ADAM15: variants seen among roughly 807,000 people sequenced by gnomAD.
ADAM15 encodes the protein disintegrin and metalloproteinase domain-containing protein 15.
ADAM15 carries 77 observed loss-of-function variants against 113.8 expected under a neutral mutation model. That is an observed-to-expected ratio of 0.68 (90% CI 0.56 to 0.82). The LOEUF is 0.82. ADAM15 is among the 40% of genes least tolerant of loss of function. The probability of loss-of-function intolerance (pLI) is 0.00; values close to 1 mark genes in which losing one functional copy is unlikely to be tolerated. For missense variants in ADAM15, 963 were observed against 1,120.1 expected (o/e 0.86, Z 2.00); for synonymous variants, 388 against 454.1 (o/e 0.85, Z 1.85).
Position 155,060,904 on chromosome 1 carries a change from C to T in ADAM15, c.2277+72C>T, listed in dbSNP as rs1201086563. ...TCCAGCTTGGGCCCTGGGGGGTGCGCATTAAAGGCTCCAGACTCAGAGAAA... is the reference window on the plus strand; with the variant it reads ...TCCAGCTTGGGCCCTGGGGGGTGCGTATTAAAGGCTCCAGACTCAGAGAAA... On this transcript the variant is annotated intron_variant, in intron 19 of 22. Transcript: ENST00000356955. 12 of 1,417,142 alleles carry T rather than the reference C, an allele frequency of 8.5e-6. No individual in the cohort carries two copies. The African/African-American group carries it at 1.5e-4, about 18-fold the overall frequency. 87.8% of individuals were successfully genotyped at this position (1,417,142 alleles called of 1,614,324 possible). A position where few individuals can be genotyped will look rare whatever the true frequency, so the allele number is the denominator to read the frequency against.
intron 3 of ADAM15, 41 bp from the exon 4 acceptor site, chr1:155,053,869 G>A (rs749591836): frequency 6.2e-7 from 1 of 1,603,828 alleles, no homozygotes; most frequent in Non-Finnish European, 8.5e-7. Context: ...CACGACCTGG[G>A]AAGTGGCTTT....
rs1558126432 is a variant in ADAM15, at chr1:155,057,209, C to CCT, written c.1170_1171insCT (p.Ser391LeufsTer62). 29 of 1,613,778 alleles carry CCT rather than the reference C, an allele frequency of 1.8e-5. No individual in the cohort carries two copies. Among genetic ancestry groups the CCT allele is most frequent in the Non-Finnish European group, 2.4e-5 (28 of 1,179,812 alleles). ...CCAGCTTCCTACCAGGCCTGAACTT[C>CCT]AGCAACTGCAGCCGACGGGCCCTGG... On this transcript the variant is annotated frameshift_variant, in exon 12 of 23. Coordinates refer to ENST00000356955, the MANE Select transcript of ADAM15 (RefSeq NM_207197.3). LOFTEE classifies it high-confidence loss of function. This position sits in a 1 kb window ranked among gnomAD's most constrained non-coding sequence, Gnocchi z 5.0.
At position 155,058,685 on chromosome 1, in the gene ADAM15, C is replaced by T. The variant is rs2102412973; in HGVS notation, c.1918-25C>T. 1 of 1,608,792 alleles carries T rather than the reference C, an allele frequency of 6.2e-7. No individual in the cohort carries two copies. The highest frequency in any genetic ancestry group is 2.2e-5 in the East Asian group (1 of 44,650). On this transcript the variant is annotated intron_variant, in intron 15 of 22. Transcript: ENST00000356955. The surrounding 1 kb of genome is among the most constrained non-coding windows in gnomAD (Gnocchi z 4.3). ...CATTAAAGCTTTGTGGGAATCTGAT[C>T]CAGGCTCTTCTCTCCCTGGGTCAGG... is the stretch of plus-strand genomic sequence containing the variant.
Position 155,056,085 on chromosome 1 carries a change from C to A in ADAM15, c.750C>A (p.Phe250Leu). The A allele has an allele frequency of 1.9e-6, 3 of 1,613,344 alleles. No homozygotes were observed. The highest frequency in any genetic ancestry group is 2.5e-6 in the Non-Finnish European group (3 of 1,180,022). Residue 250 changes from phenylalanine to leucine, a missense_variant, in exon 9 of 23, where the codon TTC becomes TTA. Phe to Leu is a conservative substitution (Grantham distance 22, BLOSUM62 0). Transcript: ENST00000356955. This position sits in a 1 kb window ranked among gnomAD's most constrained non-coding sequence, Gnocchi z 4.0. ...GAGCCCCAGCTGTCTTTCAGTTCTT[C>A]CGGCCCCTGAATGTACGAGTGGCAC... is the stretch of plus-strand genomic sequence containing the variant. ...LEVALLLDTF[F>L]RPLNVRVALV... is the part of the protein sequence containing the mutation.
chr1:155,051,406 G>A lies in ADAM15; in HGVS notation c.20G>A (p.Trp7Ter), dbSNP rs1347023807. Residue 7 changes from tryptophan to a stop codon, truncating the protein, a stop_gained, in exon 1 of 23, where the codon TGG becomes TAG. Transcript: ENST00000356955. LOFTEE classifies it high-confidence loss of function. MRLALLWALGLLGAGSP... is the reference protein window; with the variant it reads MRLALL ...GCTGCCATGCGGCTGGCGCTGCTCT[G>A]GGCCCTGGGGCTCCTGGGCGCGGGC... The A allele has an allele frequency of 1.9e-6, 3 of 1,553,968 alleles. No individual in the cohort carries two copies. Among genetic ancestry groups the A allele is most frequent in the Admixed American group, 1.9e-5 (1 of 51,386 alleles).
chr1:155,060,470 G>A, intron 18 of ADAM15, 127 bp downstream of exon 18: 1 of 1,334,528 alleles, frequency 7.5e-7, no homozygotes, highest in Non-Finnish European at 1.0e-6. Context: ...GTTGCTGACT[G>A]CCATACCCCA....
Position 155,057,661 on chromosome 1 carries a change from T to G in ADAM15, c.1348T>G (p.Ser450Ala). The G allele has an allele frequency of 6.2e-7, 1 of 1,614,194 alleles. No homozygotes were observed. Among genetic ancestry groups the G allele is most frequent in the East Asian group, 2.2e-5 (1 of 44,878 alleles). ...GGACTGCGTCGATCCCTGCTGTGAT[T>G]CTTTGACCTGCCAGCTGAGGCCAGG... is the stretch of plus-strand genomic sequence containing the variant. ...LDDCVDPCCD[S>A]LTCQLRPGAQ... The change falls in exon 13 of 23, where the codon TCT becomes GCT. Residue 450 changes from serine to alanine, a missense_variant. By Grantham distance (99) the Ser-to-Ala change is moderately conservative. Transcript: ENST00000356955. The surrounding 1 kb of genome is among the most constrained non-coding windows in gnomAD (Gnocchi z 5.0).
rs1292376731 is a variant in ADAM15 at position 155,056,437 on chromosome 1, C to T, written c.966C>T (p.Ile322=). 3 of 1,614,174 alleles carry T rather than the reference C, an allele frequency of 1.9e-6. No homozygotes were observed. Among genetic ancestry groups the T allele is most frequent in the Non-Finnish European group, 8.5e-7 (1 of 1,180,034 alleles). ...PTVGMAIQNS[I]CSPDFSGGVN... is the part of the protein sequence containing the mutation. ...TGGGCATGGCCATTCAGAACTCCAT[C>T]TGTTCTCCTGACTTCTCAGGAGGTG... is the stretch of plus-strand genomic sequence containing the variant. Residue 322 remains isoleucine (I), a synonymous_variant, in exon 10 of 23, where the codon ATC becomes ATT. Transcript: ENST00000356955. This position sits in a 1 kb window ranked among gnomAD's most constrained non-coding sequence, Gnocchi z 4.0.
chr1:155,057,366 AGCCCCTTTCCCAAAGCCTC>A lies in ADAM15; in HGVS notation c.1323+10_1323+28del. 1 of 1,613,948 alleles carries A rather than the reference AGCCCCTTTCCCAAAGCCTC, an allele frequency of 6.2e-7. No homozygotes were observed. The highest frequency in any genetic ancestry group is 1.3e-5 in the African/African-American group (1 of 75,010). Reference sequence around the variant, plus strand: ...GTGTGACTGTGGCTTCCTGGATGTGAGCCCCTTTCCCAAAGCCTCGCCCCACTCACTTCTGTACCCTCAC... The same window carrying A: ...GTGTGACTGTGGCTTCCTGGATGTGAGCCCCACTCACTTCTGTACCCTCAC... On this transcript the variant is annotated splice_donor_5th_base_variant and intron_variant, in intron 12 of 22. Coordinates refer to ENST00000356955, the MANE Select transcript of ADAM15 (RefSeq NM_207197.3). The surrounding 1 kb of genome is among the most constrained non-coding windows in gnomAD (Gnocchi z 5.0).
Position 155,054,376 on chromosome 1 carries a change from AG to A in ADAM15, c.485del (p.Gly162ValfsTer20). 1 of 1,613,730 alleles carries A rather than the reference AG, an allele frequency of 6.2e-7. No homozygotes were observed. The highest frequency in any genetic ancestry group is 8.5e-7 in the Non-Finnish European group (1 of 1,179,858). ...YTLEQGPGDLQGPPIISRIQD... is the reference protein window; with the variant it reads ...YTLEQGPGDLXGPPIISRIQD... ...CTGGAGCAGGGGCCTGGGGACCTTC[AG>A]GGTCCTCCCATTATTTCGCGAATCC... On this transcript the variant is annotated frameshift_variant, in exon 6 of 23. Coordinates refer to ENST00000356955, the MANE Select transcript of ADAM15 (RefSeq NM_207197.3). LOFTEE classifies it high-confidence loss of function.
In ADAM15 at chr1:155,057,280, T is replaced by A; in HGVS notation, c.1241T>A (p.Leu414Gln). Residue 414 changes from leucine to glutamine, a missense_variant, in exon 12 of 23, where the codon CTG becomes CAG. By Grantham distance (113) the Leu-to-Gln change is moderately radical. Coordinates refer to ENST00000356955, the MANE Select transcript of ADAM15 (RefSeq NM_207197.3). This position sits in a 1 kb window ranked among gnomAD's most constrained non-coding sequence, Gnocchi z 5.0. ...ATGGGCAGCTGCCTCTTCGAACGGC[T>A]GCCTAGCCTACCCCCTATGGCTGCT... ...DGMGSCLFER[L>Q]PSLPPMAAFC... 1 of 1,614,194 alleles carries A rather than the reference T, an allele frequency of 6.2e-7. No individual in the cohort carries two copies. Among genetic ancestry groups the A allele is most frequent in the South Asian group, 1.1e-5 (1 of 91,092 alleles).
chr1:155,055,095 A>G (rs1232080546), intron 6 of ADAM15, among the ~76,000 whole-genome samples: 4 of 152,230 alleles, frequency 2.6e-5, no homozygotes, highest in Non-Finnish European at 5.9e-5. Context: ...TAAAATGAAG[A>G]TAATAAAACT....
At chr1:155,059,503 C>T (rs925684215) in intron 16 of ADAM15, among the ~76,000 whole-genome samples, 1 of 152,164 alleles carries the variant, frequency 6.6e-6, no homozygotes, top group Non-Finnish European at 1.5e-5. Flanking sequence ...CTGGTGCACA[C>T]CTATGCTCCC....
rs1185533799 is a variant in ADAM15, at chr1:155,056,066, C to T, written c.745-14C>T. ...CCATGGCAACCCCTCTTCTGAGCCC[C>T]AGCTGTCTTTCAGTTCTTCCGGCCC... On this transcript the variant is annotated splice_polypyrimidine_tract_variant and intron_variant, in intron 8 of 22. Coordinates refer to ENST00000356955, the MANE Select transcript of ADAM15 (RefSeq NM_207197.3). The surrounding 1 kb of genome is among the most constrained non-coding windows in gnomAD (Gnocchi z 4.0). The T allele has an allele frequency of 1.9e-6, 3 of 1,612,638 alleles. No homozygotes were observed. Among genetic ancestry groups the T allele is most frequent in the South Asian group, 2.2e-5 (2 of 91,068 alleles).
chr1:155,061,024 G>A, intron 19 of ADAM15, 192 bp downstream of exon 19: 1 of 614,792 alleles, frequency 1.6e-6, no homozygotes, highest in East Asian at 2.8e-5. Flanking sequence ...CCAGAAGAGT[G>A]GGGAGGGCAG....
At position 155,056,450 on chromosome 1, in the gene ADAM15, T is replaced by C; in HGVS notation, c.979T>C (p.Phe327Leu). 1 of 1,613,888 alleles carries C rather than the reference T, an allele frequency of 6.2e-7. No individual in the cohort carries two copies. Among genetic ancestry groups the C allele is most frequent in the Non-Finnish European group, 8.5e-7 (1 of 1,179,790 alleles). The change falls in exon 10 of 23, where the codon TTC becomes CTC. Residue 327 changes from phenylalanine (F) to leucine (L), a missense_variant. Coordinates refer to ENST00000356955, the MANE Select transcript of ADAM15 (RefSeq NM_207197.3). This position sits in a 1 kb window ranked among gnomAD's most constrained non-coding sequence, Gnocchi z 4.0. ...AIQNSICSPD[F>L]SGGVNMDHST... is the part of the protein sequence containing the mutation. ...TCAGAACTCCATCTGTTCTCCTGAC[T>C]TCTCAGGAGGTGTGAACATGGTGAG... is the stretch of plus-strand genomic sequence containing the variant.
At position 155,057,510 on chromosome 1, in the gene ADAM15, G is replaced by C. The variant is rs1378891898; in HGVS notation, c.1324-127G>C. 1.3e-6 allele frequency: 2 copies of C among 1,486,786 alleles called. No individual in the cohort carries two copies. The highest frequency in any genetic ancestry group is 1.2e-5 in the South Asian group (1 of 83,592). 92.1% of individuals were successfully genotyped at this position (1,486,786 alleles called of 1,614,324 possible). Reference sequence around the variant, plus strand: ...CCCTGTCTGTGGGGACAGCACATGGGTTGTTGGGCTCTAGCCCTCGCTTGC... The same window carrying C: ...CCCTGTCTGTGGGGACAGCACATGGCTTGTTGGGCTCTAGCCCTCGCTTGC... On this transcript the variant is annotated intron_variant, in intron 12 of 22. Coordinates refer to ENST00000356955, the MANE Select transcript of ADAM15 (RefSeq NM_207197.3). The surrounding 1 kb of genome is among the most constrained non-coding windows in gnomAD (Gnocchi z 5.0).
In ADAM15 at chr1:155,059,981, T is replaced by G. The variant is rs929292822; in HGVS notation, c.2068+7T>G. ...TGCACCACTCAGCTCAAAGGTAGCATGGGGGTGGGGGACAGGGGCAGCTGG... is the reference window on the plus strand; with the variant it reads ...TGCACCACTCAGCTCAAAGGTAGCAGGGGGGTGGGGGACAGGGGCAGCTGG... On this transcript the variant is annotated splice_region_variant and intron_variant, in intron 17 of 22. Coordinates refer to ENST00000356955, the MANE Select transcript of ADAM15 (RefSeq NM_207197.3). 11 of 1,613,782 alleles carry G rather than the reference T, an allele frequency of 6.8e-6. No homozygotes were observed. In the Middle Eastern group the frequency reaches 4.9e-4, roughly 72 times the overall value.
At chr1:155,052,152 G>A (rs1441154945) in intron 1 of ADAM15, 1 of 235,158 alleles carries the variant, frequency 4.3e-6, no homozygotes, top group Non-Finnish European at 8.5e-6. Flanking sequence ...GGTGCTCGAG[G>A]AGGAAGCAGA....
Sources: gnomAD v4.1 joint callset for allele counts (sites outside exome capture counted in the v4.1 genomes callset) on GRCh38, gnomAD v4.1.1 for gene constraint, Gnocchi (gnomAD v3.1) non-coding constraint, MANE v1.5 for transcripts, NCBI Gene and HGNC (gene_info 2026-07-23, HGNC 2026-07-21) for gene names.